FANCL: variants seen among roughly 807,000 people sequenced by gnomAD.
FANCL encodes the protein FA complementation group L, also known as E3 ubiquitin-protein ligase FANCL.
In FANCL, 69 loss-of-function variants were observed where a neutral mutation model predicts 59.4. The ratio of observed to expected loss-of-function variants is 1.16; its 90% CI spans 0.96 to 1.42. The LOEUF is 1.42. FANCL is among the 40% of genes most tolerant of loss of function. The pLI is 0.00. For missense variants in FANCL, 519 were observed against 447.2 expected, an observed-to-expected ratio of 1.16 and a Z score of -1.45; for synonymous variants, 180 against 147.1, an observed-to-expected ratio of 1.22 and a Z score of -1.62.
intron 6 of FANCL, among the ~76,000 whole-genome samples, chr2:58,201,399 G>A (rs1161852440): frequency 6.6e-6 from 1 of 151,540 alleles, no homozygotes; most frequent in Non-Finnish European, 1.5e-5. Flanking sequence ...ATAATATTAA[G>A]TATATATTTT....
chr2:58,180,955 T>C (rs887272915), intron 7 of FANCL, among the ~76,000 whole-genome samples: 24 of 152,106 alleles, frequency 1.6e-4, no homozygotes, highest in Non-Finnish European at 2.6e-4. Flanking sequence ...TGAACTCTCA[T>C]ATACTGTCAG....
At chr2:58,182,886 C>T (rs920542497) in intron 7 of FANCL, among the ~76,000 whole-genome samples, 1 of 151,702 alleles carries the variant, frequency 6.6e-6, no homozygotes, top group Admixed American at 6.6e-5. Flanking sequence ...AAGTAAGTCT[C>T]ATCCCTAGCT....
At chr2:58,175,251 A>C (rs896456689) in intron 7 of FANCL, among the ~76,000 whole-genome samples, 12 of 148,618 alleles carry the variant, frequency 8.1e-5, no homozygotes, top group African/African-American at 3.1e-4. Flanking sequence ...TACAATCAAT[A>C]GAAAAAGAGG....
intron 7 of FANCL, among the ~76,000 whole-genome samples, chr2:58,192,368 AT>A (rs1689008260): frequency 6.6e-6 from 1 of 151,964 alleles, no homozygotes; most frequent in South Asian, 2.1e-4. Context: ...CATAAAACAC[AT>A]TTACTTAAGA....
At chr2:58,171,610 A>C (rs1333822558) in intron 7 of FANCL, among the ~76,000 whole-genome samples, 3 of 152,170 alleles carry the variant, frequency 2.0e-5, no homozygotes, top group Non-Finnish European at 4.4e-5. Flanking sequence ...AAGAGTAACA[A>C]AATAGGGGAT....
chr2:58,217,359 T>C (rs955599112), intron 5 of FANCL, among the ~76,000 whole-genome samples: 2 of 150,670 alleles, frequency 1.3e-5, no homozygotes, highest in Non-Finnish European at 3.0e-5. Flanking sequence ...GTGCTCCCTC[T>C]GGAGGCTCTA....
intron 7 of FANCL, among the ~76,000 whole-genome samples, chr2:58,169,553 T>C (rs188161103): frequency 3.3e-5 from 5 of 152,096 alleles, no homozygotes; most frequent in Admixed American, 3.3e-4. Context: ...GAGAATGAGT[T>C]TGACAAACTG....
intron 5 of FANCL, among the ~76,000 whole-genome samples, chr2:58,204,851 T>C (rs776509263): frequency 3.9e-5 from 6 of 152,102 alleles, no homozygotes; most frequent in Non-Finnish European, 7.4e-5. Context: ...TCTAAACATA[T>C]AGCACAAGCA....
intron 12 of FANCL, among the ~76,000 whole-genome samples, chr2:58,160,803 T>C (rs1293426519): frequency 2.6e-5 from 4 of 151,992 alleles, no homozygotes; most frequent in African/African-American, 4.8e-5. Context: ...AAGTTCTCCA[T>C]TGGCAAAGTA....
chr2:58,174,518 C>G (rs752636820), intron 7 of FANCL, among the ~76,000 whole-genome samples: 1 of 152,166 alleles, frequency 6.6e-6, no homozygotes, highest in Non-Finnish European at 1.5e-5. Context: ...GGAAACTGAA[C>G]AACCTGCTCC....
At chr2:58,180,676 T>G (rs567992348) in intron 7 of FANCL, among the ~76,000 whole-genome samples, 1 of 152,228 alleles carries the variant, frequency 6.6e-6, no homozygotes, top group East Asian at 1.9e-4. Flanking sequence ...CTGCACGTTC[T>G]GCACATGTAT....
In FANCL at chr2:58,238,183, C is replaced by T. The variant is rs72812353; in HGVS notation, c.96+3035G>A. On this transcript the variant is annotated intron_variant, in intron 1 of 13. Transcript: ENST00000233741. ...TTTTTGTGATTTTTTTTTAGCTTAT[C>T]AGCTATCATTAGTGTATTTTATGTG... is the stretch of plus-strand genomic sequence containing the variant. 5.4e-3 allele frequency among the ~76,000 whole-genome samples: 825 copies of T among 152,230 alleles called. 3 individuals carry two copies. The highest frequency in any genetic ancestry group is 8.6e-3 in the Non-Finnish European group (583 of 67,998).
At chr2:58,186,123 T>C (rs574154093) in intron 7 of FANCL, among the ~76,000 whole-genome samples, 1 of 152,104 alleles carries the variant, frequency 6.6e-6, no homozygotes, top group Admixed American at 6.6e-5. Flanking sequence ...AGGAAATAAT[T>C]TGAGAGAAGC....
At chr2:58,179,598 A>G (rs902625598) in intron 7 of FANCL, among the ~76,000 whole-genome samples, 12 of 152,228 alleles carry the variant, frequency 7.9e-5, no homozygotes, top group Non-Finnish European at 1.5e-4. Flanking sequence ...TATGGATTAA[A>G]GACTTAAACA....
chr2:58,177,682 A>G (rs1299182764), intron 7 of FANCL, among the ~76,000 whole-genome samples: 1 of 151,292 alleles, frequency 6.6e-6, no homozygotes. Context: ...CTTAATGCTA[A>G]ATGACGAGTT....
chr2:58,173,630 A>T (rs573189076), intron 7 of FANCL, among the ~76,000 whole-genome samples: 143 of 152,302 alleles, frequency 9.4e-4, no homozygotes, highest in African/African-American at 2.8e-3. Context: ...AGAGCTCCTG[A>T]AGGAAGCACT....
intron 5 of FANCL, among the ~76,000 whole-genome samples, chr2:58,219,173 T>TAG (rs1253091601): frequency 5.9e-4 from 21 of 35,520 alleles, no homozygotes; most frequent in Admixed American, 2.0e-3. Flanking sequence ...AAAAAAAAAA[T>TAG]ATATATATAT....
At chr2:58,174,670 C>A (rs532137055) in intron 7 of FANCL, among the ~76,000 whole-genome samples, 61 of 152,010 alleles carry the variant, frequency 4.0e-4, no homozygotes, top group African/African-American at 1.4e-3. Context: ...GCACTAAATG[C>A]CCACAAGAGA....
chr2:58,159,356 C>T lies in FANCL; in HGVS notation c.*409G>A, dbSNP rs1256553125. 3 of 1,601,612 alleles carry T rather than the reference C, an allele frequency of 1.9e-6. No homozygotes were observed. The highest frequency in any genetic ancestry group is 2.6e-6 in the Non-Finnish European group (3 of 1,175,642). On this transcript the variant is annotated 3_prime_UTR_variant, in exon 14 of 14. Transcript: ENST00000233741. ...TATGTATTTTTTCCATAGGAAAGCA[C>T]AAGGAGAAGACAGAAATATCAAGAG...
Sources: gnomAD v4.1 joint callset for allele counts (sites outside exome capture counted in the v4.1 genomes callset) on GRCh38, gnomAD v4.1.1 for gene constraint, MANE v1.5 for transcripts, NCBI Gene and HGNC (gene_info 2026-07-23, HGNC 2026-07-21) for gene names.